The following CCSER1 variants were observed in gnomAD, a reference collection of about 807,000 sequenced individuals.
CCSER1 encodes the protein coiled-coil serine rich protein 1, also known as serine-rich coiled-coil domain-containing protein 1.
A neutral mutation model predicts 82.0 loss-of-function variants in CCSER1; 41 were observed. The ratio of observed to expected loss-of-function variants is 0.50; its 90% CI spans 0.39 to 0.65. CCSER1 has a LOEUF of 0.65. Among genes scored for constraint, CCSER1 ranks in the 30% least tolerant of loss-of-function variants. The pLI is 0.00. For missense variants in CCSER1, 1,119 were observed against 1,064.2 expected, an observed-to-expected ratio of 1.05 and a Z score of -0.72; for synonymous variants, 414 against 383.9, an observed-to-expected ratio of 1.08 and a Z score of -0.92.
intron 5 of CCSER1, among the ~76,000 whole-genome samples, chr4:90,580,822 A>G (rs1427548915): frequency 1.3e-5 from 2 of 152,192 alleles, no homozygotes; most frequent in Admixed American, 6.5e-5. Flanking sequence ...CAGTGAAAGG[A>G]GCCAAAGAAT....
At chr4:91,177,969 C>T (rs1041036894) in intron 10 of CCSER1, among the ~76,000 whole-genome samples, 1 of 152,186 alleles carries the variant, frequency 6.6e-6, no homozygotes, top group Non-Finnish European at 1.5e-5. Context: ...TTTCCCTCTA[C>T]ATACCGCTTT....
chr4:90,177,326 G>A (rs1004302159), intron 1 of CCSER1, among the ~76,000 whole-genome samples: 1 of 152,088 alleles, frequency 6.6e-6, no homozygotes, highest in Non-Finnish European at 1.5e-5. Context: ...AGTTGTAGCA[G>A]CAATGGCAAC....
intron 1 of CCSER1, among the ~76,000 whole-genome samples, chr4:90,166,868 T>C (rs1227793025): frequency 6.6e-6 from 1 of 152,008 alleles, no homozygotes; most frequent in Admixed American, 6.6e-5. Context: ...TTTACCAGTA[T>C]TTAAATAATT....
intron 1 of CCSER1, among the ~76,000 whole-genome samples, chr4:90,236,390 T>C (rs1745815198): frequency 6.6e-6 from 1 of 152,064 alleles, no homozygotes; most frequent in African/African-American, 2.4e-5. Flanking sequence ...CAAAACAAAT[T>C]GTTTACCAGT....
chr4:90,287,707 C>T (rs1730156521), intron 1 of CCSER1, among the ~76,000 whole-genome samples: 1 of 151,680 alleles, frequency 6.6e-6, no homozygotes, highest in Non-Finnish European at 1.5e-5. Context: ...CCCAAAATTT[C>T]CAACTTTGAT....
At chr4:91,415,189 T>C (rs1753280859) in intron 10 of CCSER1, among the ~76,000 whole-genome samples, 1 of 152,056 alleles carries the variant, frequency 6.6e-6, no homozygotes, top group South Asian at 2.1e-4. Flanking sequence ...TGGGAGTTCA[T>C]TCATGATTTG....
chr4:90,550,636 G>T (rs1174384814), intron 5 of CCSER1, among the ~76,000 whole-genome samples: 1 of 152,124 alleles, frequency 6.6e-6, no homozygotes, highest in Non-Finnish European at 1.5e-5. Context: ...AAGTGTAATT[G>T]TTCTTCAATG....
intron 10 of CCSER1, among the ~76,000 whole-genome samples, chr4:91,562,765 A>G (rs936162116): frequency 6.6e-6 from 1 of 151,636 alleles, no homozygotes; most frequent in Non-Finnish European, 1.5e-5. Flanking sequence ...AATACTTCTC[A>G]TTCAAAATGA....
chr4:91,111,327 TG>T (rs1726076359), intron 10 of CCSER1, among the ~76,000 whole-genome samples: 1 of 151,996 alleles, frequency 6.6e-6, no homozygotes, highest in African/African-American at 2.4e-5. Context: ...GAAGATTAAC[TG>T]ATTGCCTGAA....
At chr4:90,930,847 A>T (rs1295586224) in intron 9 of CCSER1, among the ~76,000 whole-genome samples, 1 of 148,700 alleles carries the variant, frequency 6.7e-6, no homozygotes, top group Non-Finnish European at 1.5e-5. Context: ...TATCAAAAAC[A>T]TTGCTTTCCT....
chr4:91,198,977 C>T (rs2149063387), intron 10 of CCSER1, among the ~76,000 whole-genome samples: 1 of 152,252 alleles, frequency 6.6e-6, no homozygotes, highest in South Asian at 2.1e-4. Context: ...CATACACACT[C>T]TTCCCTCCGA....
chr4:90,247,442 CTTG>C (rs949929533), intron 1 of CCSER1, among the ~76,000 whole-genome samples: 25 of 152,184 alleles, frequency 1.6e-4, no homozygotes, highest in African/African-American at 5.1e-4. Context: ...TTGAAGAAAA[CTTG>C]TTGTGAGAAA....
intron 7 of CCSER1, among the ~76,000 whole-genome samples, chr4:90,743,450 C>T (rs1746892512): frequency 6.6e-6 from 1 of 152,102 alleles, no homozygotes; most frequent in African/African-American, 2.4e-5. Context: ...TACATGAACA[C>T]GTCTTCTTTT....
At chr4:91,578,984 T>G (rs2110306329) in intron 10 of CCSER1, among the ~76,000 whole-genome samples, 1 of 151,942 alleles carries the variant, frequency 6.6e-6, no homozygotes, top group African/African-American at 2.4e-5. Flanking sequence ...ACCTCATAGT[T>G]AAAATCTGAG....
intron 10 of CCSER1, among the ~76,000 whole-genome samples, chr4:91,575,346 A>C (rs1408523421): frequency 6.6e-6 from 1 of 152,078 alleles, no homozygotes; most frequent in Non-Finnish European, 1.5e-5. Context: ...CACAGGCAAC[A>C]AAAGCAAAAT....
chr4:90,556,498 G>A (rs969921527), intron 5 of CCSER1, among the ~76,000 whole-genome samples: 2 of 152,112 alleles, frequency 1.3e-5, no homozygotes, highest in East Asian at 3.9e-4. Flanking sequence ...ATAACTTTTG[G>A]CTCCACAAAA....
At chr4:91,341,160 G>A (rs71597241) in intron 10 of CCSER1, among the ~76,000 whole-genome samples, 9,329 of 152,202 alleles carry the variant, frequency 0.061, 358 homozygotes, top group Middle Eastern at 0.11. Flanking sequence ...AATGATTTCA[G>A]TCCTTTGACT....
intron 7 of CCSER1, among the ~76,000 whole-genome samples, chr4:90,802,036 G>C (rs1401605686): frequency 6.6e-6 from 1 of 151,696 alleles, no homozygotes; most frequent in Non-Finnish European, 1.5e-5. Flanking sequence ...TGGCCAATAT[G>C]GTGAAACCCT....
chr4:91,339,013 G>A (rs955501360), intron 10 of CCSER1, among the ~76,000 whole-genome samples: 8 of 152,042 alleles, frequency 5.3e-5, no homozygotes, highest in African/African-American at 1.9e-4. Flanking sequence ...ATCATATCAA[G>A]TAATGAGTTT....
Sources: allele counts gnomAD v4.1 joint callset (sites outside exome capture counted in the v4.1 genomes callset), GRCh38; gene constraint gnomAD v4.1.1; transcripts MANE v1.5; gene names NCBI Gene and HGNC (gene_info 2026-07-23, HGNC 2026-07-21).